CCNC: variants seen among roughly 807,000 people sequenced by gnomAD.
CCNC encodes the protein cyclin-C.
A neutral mutation model predicts 50.0 loss-of-function variants in CCNC; 19 were observed. That is an observed-to-expected ratio of 0.38 (90% CI 0.27 to 0.56). The LOEUF is 0.56. Among genes scored for constraint, CCNC ranks in the 20% least tolerant of loss-of-function variants. The probability of loss-of-function intolerance (pLI) is 0.72; values close to 1 mark genes in which losing one functional copy is unlikely to be tolerated. For missense variants in CCNC, 200 were observed against 327.1 expected, an observed-to-expected ratio of 0.61 and a Z score of 3.00; for synonymous variants, 93 against 103.7, an observed-to-expected ratio of 0.90 and a Z score of 0.63.
Position 99,543,331 on chromosome 6 carries a change from G to T in CCNC, c.*224C>A. 2.2e-6 allele frequency: 1 copy of T among 458,602 alleles called. No homozygotes were observed. Among genetic ancestry groups the T allele is most frequent in the South Asian group, 4.2e-5 (1 of 23,884 alleles). The allele number at this position is 458,602 out of a possible 1,614,324, so 28.4% of individuals were successfully genotyped here. Reference sequence around the variant, plus strand: ...AAATGTCTATGTATGTCTGTCTGTAGGTCCCCTTAGAACCTTTCCAAACAT... The same window carrying T: ...AAATGTCTATGTATGTCTGTCTGTATGTCCCCTTAGAACCTTTCCAAACAT... On this transcript the variant is annotated 3_prime_UTR_variant, in exon 12 of 12. Coordinates refer to ENST00000520429, the MANE Select transcript of CCNC (RefSeq NM_005190.4).
intron 4 of CCNC, 121 bp downstream of exon 4, chr6:99,561,246 A>G: frequency 1.4e-6 from 1 of 730,030 alleles, no homozygotes; most frequent in Non-Finnish European, 2.5e-6. Context: ...GATTTTGTAC[A>G]ATTTTAGTAT....
At chr6:99,555,711 G>A (rs868301470) in intron 5 of CCNC, among the ~76,000 whole-genome samples, 2 of 152,054 alleles carry the variant, frequency 1.3e-5, no homozygotes, top group South Asian at 2.1e-4. Flanking sequence ...CAAAGTGTTC[G>A]GATTATAAGC....
chr6:99,562,900 C>T lies in CCNC; in HGVS notation c.81G>A (p.Lys27=), dbSNP rs551786640. The T allele has an allele frequency of 1.6e-5, 25 of 1,606,642 alleles. No individual in the cohort carries two copies. In the South Asian group the frequency reaches 2.7e-4, roughly 17 times the overall value. ...DKQDLLKERQ[K]DLKFLSEEEY... ...CTTCCTCTGAGAGAAACTTTAAATC[C>T]TTTTGGCGCTCCTTCAACAGATCTT... is the stretch of plus-strand genomic sequence containing the variant. Residue 27 remains lysine (K), a synonymous_variant, in exon 2 of 12, where the codon AAG becomes AAA. Transcript: ENST00000520429.
Position 99,545,190 on chromosome 6 carries a change from T to G in CCNC, c.719A>C (p.Gln240Pro). ...TTTTCTCTCATCGAAATTCTTCCAC[T>G]GCTCATATAGTTTTAAAATAACCCT... Reference protein sequence around the residue: ...IIRVILKLYEQWKNFDERKEM... With the variant: ...IIRVILKLYEPWKNFDERKEM... Residue 240 changes from glutamine to proline, a missense_variant, in exon 11 of 12, where the codon CAG becomes CCG. By Grantham distance (76) the Gln-to-Pro change is moderately conservative. Coordinates refer to ENST00000520429, the MANE Select transcript of CCNC (RefSeq NM_005190.4). 1.2e-6 allele frequency: 2 copies of G among 1,608,046 alleles called. No homozygotes were observed. The highest frequency in any genetic ancestry group is 1.7e-6 in the Non-Finnish European group (2 of 1,174,648).
At chr6:99,567,973 A>G (rs1479581707) in intron 1 of CCNC, 1 of 154,308 alleles carries the variant, frequency 6.5e-6, no homozygotes, top group Non-Finnish European at 1.4e-5. Context: ...CTCCATCTAG[A>G]CATAAAGTAC....
intron 5 of CCNC, 55 bp downstream of exon 5, chr6:99,558,442 T>C (rs1472832860): frequency 2.5e-6 from 4 of 1,597,802 alleles, no homozygotes; most frequent in Non-Finnish European, 3.4e-6. Flanking sequence ...ATCTATGTAC[T>C]CTGGAGCTTT....
At chr6:99,549,692 A>G (rs1359507520) in intron 8 of CCNC, 117 bp from the exon 9 acceptor site, 1 of 630,596 alleles carries the variant, frequency 1.6e-6, no homozygotes, top group Non-Finnish European at 2.8e-6. Context: ...CTTTTATACT[A>G]CTGAAGCACA....
chr6:99,548,110 T>C (rs1802143482), intron 9 of CCNC, among the ~76,000 whole-genome samples: 1 of 152,156 alleles, frequency 6.6e-6, no homozygotes, highest in Non-Finnish European at 1.5e-5. Flanking sequence ...CGGAGCTATG[T>C]AAAAGGAAGA....
intron 10 of CCNC, 52 bp downstream of exon 10, chr6:99,546,343 A>T: frequency 8.5e-7 from 1 of 1,180,706 alleles, no homozygotes; most frequent in Non-Finnish European, 1.3e-6. Flanking sequence ...ATGATAAGTA[A>T]ATATGACATT....
At chr6:99,568,425 G>A in intron 1 of CCNC, 71 bp downstream of exon 1, 1 of 1,427,874 alleles carries the variant, frequency 7.0e-7, no homozygotes, top group Non-Finnish European at 9.8e-7. Context: ...CAGGCCCAGG[G>A]GAGTCACAGG....
At chr6:99,567,653 T>C (rs1769194947) in intron 1 of CCNC, among the ~76,000 whole-genome samples, 2 of 152,220 alleles carry the variant, frequency 1.3e-5, no homozygotes, top group South Asian at 2.1e-4. Context: ...TAAAAAATTA[T>C]ACCAAGATAC....
chr6:99,559,390 T>G (rs1042219385), intron 4 of CCNC, among the ~76,000 whole-genome samples: 1 of 151,268 alleles, frequency 6.6e-6, no homozygotes, highest in African/African-American at 2.4e-5. Flanking sequence ...AAGCCTTCAC[T>G]TCATTTTAAA....
intron 5 of CCNC, chr6:99,557,460 AG>A (rs1644435922): frequency 1.3e-5 from 2 of 152,140 alleles, no homozygotes; most frequent in African/African-American, 4.8e-5. Flanking sequence ...CCTAACTCCT[AG>A]TACCTCAGAA....
intron 1 of CCNC, among the ~76,000 whole-genome samples, chr6:99,567,290 T>G (rs1234449582): frequency 6.6e-6 from 1 of 151,232 alleles, no homozygotes; most frequent in African/African-American, 2.4e-5. Flanking sequence ...CTACCTAAAC[T>G]TTTTTTTTCA....
chr6:99,543,814 G>T, intron 11 of CCNC: 1 of 1,383,552 alleles, frequency 7.2e-7, no homozygotes, highest in East Asian at 2.6e-5. Flanking sequence ...ATAACTTTGT[G>T]CCCTCACATA....
intron 1 of CCNC, among the ~76,000 whole-genome samples, chr6:99,567,428 T>TACACAC (rs3838480): frequency 6.6e-6 from 1 of 151,270 alleles, no homozygotes; most frequent in Admixed American, 6.6e-5. Context: ...CACATATATA[T>TACACAC]ACACACACAC....
intron 5 of CCNC, chr6:99,558,083 T>A: frequency 5.1e-6 from 1 of 197,762 alleles, no homozygotes; most frequent in Non-Finnish European, 1.0e-5. Flanking sequence ...AAGCTTATAT[T>A]AACTCATTTG....
Position 99,561,629 on chromosome 6 carries a change from A to G in CCNC, c.192T>C (p.Thr64=). 6.2e-7 allele frequency: 1 copy of G among 1,610,722 alleles called. No individual in the cohort carries two copies. Among genetic ancestry groups the G allele is most frequent in the Non-Finnish European group, 8.5e-7 (1 of 1,177,550 alleles). Residue 64 remains threonine (T), a synonymous_variant, in exon 3 of 12, where the codon ACT becomes ACC. Coordinates refer to ENST00000520429, the MANE Select transcript of CCNC (RefSeq NM_005190.4). ...AGAATCTCTTGAAATATACCGTAGC[A>G]GTGGCAATAACTTGTTGTCTTAATT... is the stretch of plus-strand genomic sequence containing the variant. ...HLKLRQQVIA[T]ATVYFKRFYA... is the part of the protein sequence containing the mutation.
intron 9 of CCNC, among the ~76,000 whole-genome samples, chr6:99,548,676 A>G (rs147795142): frequency 1.3e-5 from 2 of 152,058 alleles, no homozygotes; most frequent in African/African-American, 2.4e-5. Flanking sequence ...TTAGCCAGGT[A>G]TGGTGGTGGA....
Sources: gnomAD v4.1 joint callset for allele counts (sites outside exome capture counted in the v4.1 genomes callset) on GRCh38, gnomAD v4.1.1 for gene constraint, MANE v1.5 for transcripts, NCBI Gene and HGNC (gene_info 2026-07-23, HGNC 2026-07-21) for gene names.